The following TAFA2 variants were observed in gnomAD, a reference collection of about 807,000 sequenced individuals.
The protein encoded by TAFA2 is chemokine-like protein TAFA-2.
In TAFA2, 7 loss-of-function variants were observed where a neutral mutation model predicts 18.8. That is an observed-to-expected ratio of 0.37 (90% confidence interval 0.21 to 0.70). The LOEUF (loss-of-function observed/expected upper bound fraction) is 0.70. Among genes scored for constraint, TAFA2 ranks in the 30% least tolerant of loss-of-function variants. TAFA2 has a pLI of 0.53. For missense variants in TAFA2, 122 were observed against 158.1 expected, an observed-to-expected ratio of 0.77 and a Z score of 1.23; for synonymous variants, 60 against 54.2, an observed-to-expected ratio of 1.11 and a Z score of -0.47.
intron 1 of TAFA2, among the ~76,000 whole-genome samples, chr12:62,229,681 T>A (rs941950913): frequency 8.5e-5 from 13 of 152,086 alleles, no homozygotes; most frequent in Non-Finnish European, 1.6e-4. Context: ...CTTTTTTTTT[T>A]AATTGTGTCT....
intron 1 of TAFA2, among the ~76,000 whole-genome samples, chr12:61,881,349 C>T (rs1592457551): frequency 6.6e-6 from 1 of 152,126 alleles, no homozygotes; most frequent in South Asian, 2.1e-4. Context: ...CTACTACACA[C>T]CTAGGCTATT....
chr12:61,964,024 G>T (rs1485689298), intron 1 of TAFA2, among the ~76,000 whole-genome samples: 2 of 151,994 alleles, frequency 1.3e-5, no homozygotes, highest in African/African-American at 4.8e-5. Flanking sequence ...CTAGCCATAT[G>T]CAGAAAACTA....
At chr12:61,899,754 A>C (rs1004457262) in intron 1 of TAFA2, among the ~76,000 whole-genome samples, 1 of 152,132 alleles carries the variant, frequency 6.6e-6, no homozygotes, top group Non-Finnish European at 1.5e-5. Context: ...AAAATTAAAA[A>C]CTTCACCTGT....
chr12:61,799,691 T>C (rs111375434), intron 2 of TAFA2, among the ~76,000 whole-genome samples: 2 of 151,836 alleles, frequency 1.3e-5, no homozygotes, highest in East Asian at 1.9e-4. Flanking sequence ...GCGTGGTGGC[T>C]GGCGCCTGTA....
At chr12:61,803,048 A>G (rs1871463167) in intron 2 of TAFA2, among the ~76,000 whole-genome samples, 1 of 151,972 alleles carries the variant, frequency 6.6e-6, no homozygotes, top group Non-Finnish European at 1.5e-5. Context: ...AATGGGAAAA[A>G]ACTGTTCTGT....
chr12:61,980,106 C>T (rs1879577907), intron 1 of TAFA2, among the ~76,000 whole-genome samples: 1 of 151,786 alleles, frequency 6.6e-6, no homozygotes, highest in Non-Finnish European at 1.5e-5. Flanking sequence ...AGATACTTCG[C>T]CCCCATAGAA....
At chr12:62,256,040 G>A (rs547525234) in intron 1 of TAFA2, among the ~76,000 whole-genome samples, 14 of 151,602 alleles carry the variant, frequency 9.2e-5, no homozygotes, top group African/African-American at 1.7e-4. Flanking sequence ...AGGCTGAGGC[G>A]GGCAGATCGC....
At position 61,754,996 on chromosome 12, in the gene TAFA2, C is replaced by T. The variant is rs754779604; in HGVS notation, c.135G>A (p.Glu45=). 1.2e-5 allele frequency: 19 copies of T among 1,612,666 alleles called. No individual in the cohort carries two copies. In the African/African-American group the frequency reaches 2.0e-4, roughly 17 times the overall value. Residue 45 remains glutamate, a synonymous_variant, in exon 3 of 5, where the codon GAG becomes GAA. Transcript: ENST00000416284. The part of the protein sequence containing the change: ...KAHHVKTGTC[E]VVALHRCCNK... The stretch of plus-strand genomic sequence containing the variant: ...TACAGCATCTGTGGAGTGCCACCAC[C>T]TCACAAGTTCCCGTTTTAACATGGT...
intron 1 of TAFA2, chr12:62,234,564 A>G: frequency 1.2e-6 from 1 of 831,166 alleles, no homozygotes; most frequent in Non-Finnish European, 2.1e-6. Flanking sequence ...ATCTACGCTC[A>G]TTAGAACGGA....
intron 1 of TAFA2, among the ~76,000 whole-genome samples, chr12:62,081,974 A>ATG (rs547861036): frequency 2.8e-4 from 41 of 144,744 alleles, no homozygotes; most frequent in African/African-American, 9.8e-4. Flanking sequence ...GCCCCAGTGT[A>ATG]TGTTGTTACC....
chr12:61,929,450 A>G (rs1055726202), intron 1 of TAFA2, among the ~76,000 whole-genome samples: 2 of 152,146 alleles, frequency 1.3e-5, no homozygotes, highest in Non-Finnish European at 1.5e-5. Flanking sequence ...CAAAACCACA[A>G]TGAGATACCA....
intron 1 of TAFA2, chr12:62,242,326 A>C (rs1032673986): frequency 2.0e-5 from 3 of 152,246 alleles, no homozygotes; most frequent in Non-Finnish European, 2.9e-5. Context: ...ATCAACTTAA[A>C]AAAAGAAAAA....
At chr12:61,723,591 G>A (rs1188824261) in intron 4 of TAFA2, among the ~76,000 whole-genome samples, 1 of 152,004 alleles carries the variant, frequency 6.6e-6, no homozygotes, top group East Asian at 1.9e-4. Flanking sequence ...AGATACACAT[G>A]GGTCCTGACA....
At chr12:61,722,073 A>C (rs1016797632) in intron 4 of TAFA2, among the ~76,000 whole-genome samples, 1 of 152,188 alleles carries the variant, frequency 6.6e-6, no homozygotes, top group Non-Finnish European at 1.5e-5. Flanking sequence ...GGAAAATATG[A>C]GTAACAATAA....
chr12:61,792,789 A>G (rs532225747), intron 2 of TAFA2, among the ~76,000 whole-genome samples: 70 of 151,594 alleles, frequency 4.6e-4, no homozygotes, highest in Non-Finnish European at 6.2e-4. Context: ...AAAAAAAATA[A>G]CTAGAAGGAA....
At chr12:61,881,850 C>G (rs775659917) in intron 1 of TAFA2, among the ~76,000 whole-genome samples, 3 of 151,700 alleles carry the variant, frequency 2.0e-5, no homozygotes, top group Non-Finnish European at 4.4e-5. Flanking sequence ...GGCTTCAGTT[C>G]GAAGCCATCT....
chr12:62,033,568 C>T (rs1033223350), intron 1 of TAFA2, among the ~76,000 whole-genome samples: 1 of 152,138 alleles, frequency 6.6e-6, no homozygotes, highest in Non-Finnish European at 1.5e-5. Context: ...CTATCCATCC[C>T]TAATTGCTAG....
intron 2 of TAFA2, among the ~76,000 whole-genome samples, chr12:61,796,187 T>C (rs1871181671): frequency 6.6e-6 from 1 of 152,158 alleles, no homozygotes; most frequent in South Asian, 2.1e-4. Flanking sequence ...AGTTAATGTT[T>C]ATACCAGATT....
At chr12:61,947,195 A>T (rs1878299601) in intron 1 of TAFA2, among the ~76,000 whole-genome samples, 1 of 147,896 alleles carries the variant, frequency 6.8e-6, no homozygotes, top group Admixed American at 6.8e-5. Context: ...TTCTCAGTAA[A>T]CTATCGCAAG....
Sources: gnomAD v4.1 joint callset for allele counts (sites outside exome capture counted in the v4.1 genomes callset) on GRCh38, gnomAD v4.1.1 for gene constraint, MANE v1.5 for transcripts, NCBI Gene and HGNC (gene_info 2026-07-23, HGNC 2026-07-21) for gene names.